Variants in PIEZO1 observed in about 807,000 individuals in gnomAD.
The protein encoded by PIEZO1 is piezo type mechanosensitive ion channel component 1 (Er blood group).
PIEZO1 carries 296 observed loss-of-function variants against 297.2 expected under a neutral mutation model. The ratio of observed to expected loss-of-function variants is 1.00; its 90% CI spans 0.91 to 1.10. The LOEUF (loss-of-function observed/expected upper bound fraction) is 1.10, where lower values mean the gene tolerates loss of function less well. PIEZO1 is among the 50% of genes least tolerant of loss of function. The pLI is 0.00. For synonymous variants in PIEZO1, 2,427 were observed against 1,507.5 expected (o/e 1.61, Z -14.13); for missense variants, 5,018 against 3,455.5 (o/e 1.45, Z -11.34).
Position 88,723,883 on chromosome 16 carries a change from C to G in PIEZO1, c.4323G>C (p.Gln1441His), listed in dbSNP as rs1051195032. 1 of 1,537,818 alleles carries G rather than the reference C, an allele frequency of 6.5e-7. No individual in the cohort carries two copies. The highest frequency in any genetic ancestry group is 1.4e-5 in the African/African-American group (1 of 72,958). Reference protein sequence around the residue: ...AVPEDPRPSAQSAFQLAYQAW... With the variant: ...AVPEDPRPSAHSAFQLAYQAW... ...TCTCCCACCTCACCTGGAAGGCACT[C>G]TGTGCCGACGGCCTCGGGTCTTCAG... The change falls in exon 31 of 51, where the codon CAG (glutamine) becomes CAC (histidine). Residue 1441 changes from glutamine to histidine, a missense_variant. Coordinates refer to ENST00000301015, the MANE Select transcript of PIEZO1 (RefSeq NM_001142864.4).
chr16:88,717,299 G>T (rs1391710975), intron 44 of PIEZO1, 88 bp from the exon 45 acceptor site: 1 of 1,251,648 alleles, frequency 8.0e-7, no homozygotes, highest in Non-Finnish European at 1.1e-6. Context: ...CAGCAGCCCA[G>T]AAAAGCCCCA....
At chr16:88,783,668 C>T (rs757606283) in intron 1 of PIEZO1, among the ~76,000 whole-genome samples, 2 of 152,226 alleles carry the variant, frequency 1.3e-5, no homozygotes, top group Non-Finnish European at 2.9e-5. Flanking sequence ...GAGCAGGTCC[C>T]AGGCTGCCCA....
chr16:88,719,353 G>T, intron 44 of PIEZO1: 1 of 561,422 alleles, frequency 1.8e-6, no homozygotes, highest in Non-Finnish European at 3.2e-6. Flanking sequence ...CCTGGAACAG[G>T]ACCAACTCCG....
chr16:88,752,676 C>A (rs574398663), intron 1 of PIEZO1, among the ~76,000 whole-genome samples: 17 of 152,166 alleles, frequency 1.1e-4, no homozygotes, highest in East Asian at 3.9e-4. Flanking sequence ...TGCCCCTGGC[C>A]GAGCCAGAGG....
intron 4 of PIEZO1, 136 bp downstream of exon 4, chr16:88,741,917 G>A (rs951884126): frequency 2.3e-6 from 2 of 855,588 alleles, no homozygotes; most frequent in Non-Finnish European, 3.6e-6. Context: ...TGGGAGCGTG[G>A]ATGGGTCTCC....
rs563020910 is a variant in PIEZO1 at position 88,733,606 on chromosome 16, G to A, written c.2469C>T (p.Val823=). Residue 823 remains valine (V), a synonymous_variant, in exon 18 of 51, where the codon GTC becomes GTT. Coordinates refer to ENST00000301015, the MANE Select transcript of PIEZO1 (RefSeq NM_001142864.4). ...CACTCACCTCCTTCAGGGCCACCCA[G>A]ACGGTGTACAGGGCCACCAGCTTGA... ...HVFKLVALYT[V]WVALKEVSVM... 10 of 1,547,478 alleles carry A rather than the reference G, an allele frequency of 6.5e-6. No individual in the cohort carries two copies. The highest frequency in any genetic ancestry group is 7.9e-6 in the Non-Finnish European group (9 of 1,144,962).
rs764696200 is a variant in PIEZO1 at position 88,721,270 on chromosome 16, G to A, written c.5564C>T (p.Pro1855Leu). Residue 1855 changes from proline (P) to leucine (L), a missense_variant, in exon 39 of 51, where the codon CCA becomes CTA. Transcript: ENST00000301015. ...GGGCCTGAGCTCCACTTGGGGTTCT[G>A]GGGTCCCGTCCGTGGGTCCGACCCT... The part of the protein sequence containing the change: ...EARVGPTDGT[P>L]EPQVELRPRD... 9.1e-5 allele frequency: 141 copies of A among 1,543,830 alleles called. No homozygotes were observed. Among genetic ancestry groups the A allele is most frequent in the Middle Eastern group, 8.3e-4 (5 of 6,010 alleles).
chr16:88,757,319 C>CGGG (rs1221139366), intron 1 of PIEZO1, among the ~76,000 whole-genome samples: 130 of 10,054 alleles, frequency 0.013, 3 homozygotes, highest in African/African-American at 0.051. Flanking sequence ...GCGTTGCTGG[C>CGGG]GGGGGGGTGG....
chr16:88,743,151 C>A (rs1226785612), intron 2 of PIEZO1: 1 of 455,928 alleles, frequency 2.2e-6, no homozygotes, highest in Non-Finnish European at 4.4e-6. Context: ...CCCCACTGGA[C>A]TCAGCCCCCC....
At chr16:88,744,655 C>G (rs1728627404) in intron 2 of PIEZO1, among the ~76,000 whole-genome samples, 1 of 151,320 alleles carries the variant, frequency 6.6e-6, no homozygotes, top group African/African-American at 2.4e-5. Context: ...TCCTCCCTCC[C>G]CTTTCCCTGC....
intron 22 of PIEZO1, among the ~76,000 whole-genome samples, chr16:88,728,152 C>A (rs560278019): frequency 6.6e-6 from 1 of 152,370 alleles, no homozygotes; most frequent in South Asian, 2.1e-4. Flanking sequence ...ACCTAAAGGC[C>A]ACCTGCTGGG....
intron 1 of PIEZO1, among the ~76,000 whole-genome samples, chr16:88,756,735 T>A (rs1389237905): frequency 1.3e-5 from 2 of 151,588 alleles, no homozygotes; most frequent in African/African-American, 4.9e-5. Flanking sequence ...GTCACTGCAC[T>A]CCAGCCTGGG....
rs779257574 is a variant in PIEZO1 at position 88,726,553 on chromosome 16, A to C, written c.3790T>G (p.Tyr1264Asp). The C allele has an allele frequency of 1.3e-6, 2 of 1,549,944 alleles. No homozygotes were observed. Among genetic ancestry groups the C allele is most frequent in the South Asian group, 2.4e-5 (2 of 84,058 alleles). ...CACCGTCCTGGCCACTCACGGTCAT[A>C]GTAGCCCTTGACGGTGCATACAAGG... ...FSLVCTVKGY[Y>D]DPKEMMDRDQ... Residue 1264 changes from tyrosine to aspartate, a missense_variant, in exon 26 of 51, where the codon TAT becomes GAT. Transcript: ENST00000301015.
At chr16:88,743,996 G>C in intron 2 of PIEZO1, 1 of 222,528 alleles carries the variant, frequency 4.5e-6, no homozygotes, top group South Asian at 5.3e-5. Context: ...CCGGAGGACA[G>C]GACCTTCCAG....
intron 31 of PIEZO1, 31 bp downstream of exon 31, chr16:88,723,840 G>C (rs1221072955): frequency 2.6e-6 from 3 of 1,152,942 alleles, no homozygotes; most frequent in East Asian, 2.6e-5. Flanking sequence ...TCTGTGGTTG[G>C]AGTGGGGCCG....
At chr16:88,735,502 C>G (rs1242608180) in intron 12 of PIEZO1, among the ~76,000 whole-genome samples, 1 of 152,264 alleles carries the variant, frequency 6.6e-6, no homozygotes, top group Non-Finnish European at 1.5e-5. Context: ...CACACGGGTT[C>G]ACTAGTTCAC....
In PIEZO1 at chr16:88,736,639, C is replaced by A; in HGVS notation, c.1296G>T (p.Met432Ile). 1 of 1,526,182 alleles carries A rather than the reference C, an allele frequency of 6.6e-7. No homozygotes were observed. The highest frequency in any genetic ancestry group is 1.2e-5 in the South Asian group (1 of 83,566). The allele number at this position is 1,526,182 out of a possible 1,614,324, so 94.5% of individuals were successfully genotyped here. A position where few individuals can be genotyped will look rare whatever the true frequency, so the allele number is the denominator to read the frequency against. The change falls in exon 11 of 51, where the codon ATG (methionine) becomes ATT (isoleucine). Residue 432 changes from methionine (M) to isoleucine (I), a missense_variant and splice_region_variant. Transcript: ENST00000301015. ...CACCCCAACCCCCACAGCCGCCTAC[C>A]ATCATGGCAATGAGCGCGCACACAT... is the stretch of plus-strand genomic sequence containing the variant. Reference protein sequence around the residue: ...QSYVCALIAMMVWSITYHSWL... With the variant: ...QSYVCALIAMIVWSITYHSWL...
rs1304057565 is a variant in PIEZO1 at position 88,737,658 on chromosome 16, C to A, written c.1108-12G>T. ...GTGGGCACCACGTGCTGTGGGCAAG[C>A]AGCGCTGAGCCATGCACGGGCTGGC... On this transcript the variant is annotated splice_polypyrimidine_tract_variant and intron_variant, in intron 9 of 50. Transcript: ENST00000301015. 7 of 1,534,076 alleles carry A rather than the reference C, an allele frequency of 4.6e-6. No individual in the cohort carries two copies. The highest frequency in any genetic ancestry group is 5.2e-6 in the Non-Finnish European group (6 of 1,145,620).
chr16:88,719,658 G>A lies in PIEZO1; in HGVS notation c.6387C>T (p.Thr2129=), dbSNP rs1318254624. Residue 2129 remains threonine, a synonymous_variant, in exon 44 of 51, where the codon ACC becomes ACT. Coordinates refer to ENST00000301015, the MANE Select transcript of PIEZO1 (RefSeq NM_001142864.4). ...ACATCCAGCTGGACAGGGACAGCGT[G>A]GTGTCCGTCCACACCCAGTCCATCA... ...RAVMDWVWTD[T]TLSLSSWMCV... is the part of the protein sequence containing the mutation. 73 of 1,553,956 alleles carry A rather than the reference G, an allele frequency of 4.7e-5. No individual in the cohort carries two copies. The highest frequency in any genetic ancestry group is 6.4e-5 in the Non-Finnish European group (73 of 1,149,022).
Sources: allele counts gnomAD v4.1 joint callset (sites outside exome capture counted in the v4.1 genomes callset), GRCh38; gene constraint gnomAD v4.1.1; transcripts MANE v1.5; gene names NCBI Gene and HGNC (gene_info 2026-07-23, HGNC 2026-07-21).